Variants in MBOAT7 observed in about 807,000 individuals in gnomAD.
The protein encoded by MBOAT7 is membrane bound acylglycerophosphatidylinositol O-acyltransferase MBOAT7.
MBOAT7 carries 40 observed loss-of-function variants against 47.4 expected under a neutral mutation model. The ratio of observed to expected loss-of-function variants is 0.84; its 90% CI spans 0.66 to 1.10. The LOEUF (loss-of-function observed/expected upper bound fraction) is 1.10, where lower values mean the gene tolerates loss of function less well. MBOAT7 is among the 50% of genes least tolerant of loss of function. MBOAT7 has a pLI of 0.00. For synonymous variants in MBOAT7, 361 were observed against 292.0 expected (o/e 1.24, Z -2.41); for missense variants, 680 against 655.6 (o/e 1.04, Z -0.41).
chr19:54,174,071 A>T lies in MBOAT7; in HGVS notation c.1392T>A (p.Leu464=), dbSNP rs746122975. The change falls in exon 8 of 8, where the codon CTT becomes CTA. Residue 464 remains leucine (L), a synonymous_variant. Transcript: ENST00000245615. The stretch of plus-strand genomic sequence containing the variant: ...ACTCCTCCCGGAGCTTCTCCGGGGC[A>T]AGGCTGGTGGGCTGGGATGCTGCCT... The part of the protein sequence containing the change: ...RRKAASQPTS[L]APEKLREE 6.2e-7 allele frequency: 1 copy of T among 1,604,500 alleles called. No homozygotes were observed.
At position 54,187,254 on chromosome 19, in the gene MBOAT7, G is replaced by A. The variant is rs1351866976; in HGVS notation, c.240C>T (p.Phe80=). Reference sequence around the variant, plus strand: ...GGGCTCGGAAGAACAGGAGATAGGAGAAAGTCCAGGCCAGAGCCAGGGCGT... The same window carrying A: ...GGGCTCGGAAGAACAGGAGATAGGAAAAAGTCCAGGCCAGAGCCAGGGCGT... ...SCHALALAWT[F]SYLLFFRALS... The change falls in exon 4 of 8, where the codon TTC becomes TTT. Residue 80 remains phenylalanine, a synonymous_variant. Transcript: ENST00000245615. 1.2e-5 allele frequency: 19 copies of A among 1,610,540 alleles called. No individual in the cohort carries two copies. The highest frequency in any genetic ancestry group is 1.7e-5 in the Admixed American group (1 of 59,620).
intron 5 of MBOAT7, among the ~76,000 whole-genome samples, chr19:54,182,490 T>C (rs2076314406): frequency 8.5e-6 from 1 of 118,338 alleles, no homozygotes; most frequent in East Asian, 2.5e-4. Flanking sequence ...CAGGGAGTTG[T>C]ATGTTTTGTG....
chr19:54,175,270 A>G (rs565418188), intron 7 of MBOAT7, among the ~76,000 whole-genome samples: 35 of 152,034 alleles, frequency 2.3e-4, no homozygotes, highest in African/African-American at 7.2e-4. Flanking sequence ...CAGACACCAC[A>G]CCCGGGCAGC....
At chr19:54,188,728 G>A (rs1264135256) in intron 1 of MBOAT7, among the ~76,000 whole-genome samples, 1 of 151,910 alleles carries the variant, frequency 6.6e-6, no homozygotes, top group African/African-American at 2.4e-5. Context: ...CCTCCTTTGA[G>A]CGCACAGGCC....
chr19:54,175,881 T>C (rs960526605), intron 7 of MBOAT7, among the ~76,000 whole-genome samples: 2 of 152,188 alleles, frequency 1.3e-5, no homozygotes, highest in Admixed American at 6.5e-5. Context: ...CCCACCACCA[T>C]GCCAGGCTAA....
At chr19:54,183,037 G>A (rs1354951938) in intron 5 of MBOAT7, among the ~76,000 whole-genome samples, 1 of 152,044 alleles carries the variant, frequency 6.6e-6, no homozygotes, top group Non-Finnish European at 1.5e-5. Flanking sequence ...TAAAAATAAA[G>A]GTTTAAAATA....
In MBOAT7 at chr19:54,173,917, A is replaced by C; in HGVS notation, c.*127T>G. 2 of 1,201,640 alleles carry C rather than the reference A, an allele frequency of 1.7e-6. No individual in the cohort carries two copies. The highest frequency in any genetic ancestry group is 2.2e-6 in the Non-Finnish European group (2 of 889,694). 74.4% of individuals were successfully genotyped at this position (1,201,640 alleles called of 1,614,324 possible). ...GGTCTGCTTCAGTTGCAGGCAGGGTATTTAGCTGGGGAAGAGGAAATTCTC... is the reference window on the plus strand; with the variant it reads ...GGTCTGCTTCAGTTGCAGGCAGGGTCTTTAGCTGGGGAAGAGGAAATTCTC... On this transcript the variant is annotated 3_prime_UTR_variant, in exon 8 of 8. Transcript: ENST00000245615.
At position 54,180,909 on chromosome 19, in the gene MBOAT7, C is replaced by G. The variant is rs371452356; in HGVS notation, c.718G>C (p.Ala240Pro). 6.3e-7 allele frequency: 1 copy of G among 1,597,602 alleles called. No homozygotes were observed. Among genetic ancestry groups the G allele is most frequent in the Non-Finnish European group, 8.5e-7 (1 of 1,174,070 alleles). ...GCCACGTAGAAGCGCATGCGGAAGG[C>G]GAAGAAGACGGGGATCATGTAGAAG... ...RLFYMIPVFF[A>P]FRMRFYVAWI... The change falls in exon 6 of 8, where the codon GCC becomes CCC. Residue 240 changes from alanine to proline, a missense_variant. By Grantham distance (27) the Ala-to-Pro change is conservative. Coordinates refer to ENST00000245615, the MANE Select transcript of MBOAT7 (RefSeq NM_024298.5). The surrounding 1 kb of genome is among the most constrained non-coding windows in gnomAD (Gnocchi z 5.2).
rs978316048 is a variant in MBOAT7, at chr19:54,185,179, TG to T, written c.334-1500del. Among the ~76,000 whole-genome samples, 12 of 152,242 alleles carry T rather than the reference TG, an allele frequency of 7.9e-5. 1 individual carries two copies. The highest frequency in any genetic ancestry group is 5.2e-4 in the Admixed American group (8 of 15,258). On this transcript the variant is annotated intron_variant, in intron 4 of 7. Coordinates refer to ENST00000245615, the MANE Select transcript of MBOAT7 (RefSeq NM_024298.5). ...GAGATCACACCACTGCACTCCAGCCTGGGCAACAGAGCGAGACTCCATCTTT... is the reference window on the plus strand; with the variant it reads ...GAGATCACACCACTGCACTCCAGCCTGGCAACAGAGCGAGACTCCATCTTT...
chr19:54,184,161 CTTTTTTTTT>C (rs770373656), intron 4 of MBOAT7, among the ~76,000 whole-genome samples: 2 of 103,922 alleles, frequency 1.9e-5, no homozygotes, highest in Admixed American at 1.1e-4. Context: ...ATCTCTCTCT[CTTTTTTTTT>C]TTTTTTTTTT....
chr19:54,175,251 C>A (rs144674951), intron 7 of MBOAT7, among the ~76,000 whole-genome samples: 1 of 152,126 alleles, frequency 6.6e-6, no homozygotes, highest in African/African-American at 2.4e-5. Flanking sequence ...GTGCTGGGAT[C>A]ACAGGTGTCA....
chr19:54,182,976 C>T (rs2076329756), intron 5 of MBOAT7, among the ~76,000 whole-genome samples: 1 of 151,728 alleles, frequency 6.6e-6, no homozygotes, highest in South Asian at 2.1e-4. Flanking sequence ...GCTGGGATTA[C>T]AGGCGTGAGC....
At position 54,180,851 on chromosome 19, in the gene MBOAT7, G is replaced by C; in HGVS notation, c.776C>G (p.Ala259Gly). ...GGCCACGGGGTAGGCCCCAAAGCCG[G>C]CGGCAATGCAGCCGCACTCGGCGGC... The part of the protein sequence containing the change: ...WIAAECGCIA[A>G]GFGAYPVAAK... Residue 259 changes from alanine to glycine, a missense_variant, in exon 6 of 8, where the codon GCC becomes GGC. Coordinates refer to ENST00000245615, the MANE Select transcript of MBOAT7 (RefSeq NM_024298.5). This position sits in a 1 kb window ranked among gnomAD's most constrained non-coding sequence, Gnocchi z 5.2. The C allele has an allele frequency of 6.3e-7, 1 of 1,581,358 alleles. No homozygotes were observed. Among genetic ancestry groups the C allele is most frequent in the South Asian group, 1.1e-5 (1 of 86,978 alleles).
At chr19:54,178,174 T>C in intron 7 of MBOAT7, 2 of 951,922 alleles carry the variant, frequency 2.1e-6, no homozygotes, top group Non-Finnish European at 2.5e-6. Context: ...CCTCCCAAAG[T>C]GCTGGGATTC....
At chr19:54,177,489 GT>G (rs2076141616) in intron 7 of MBOAT7, among the ~76,000 whole-genome samples, 1 of 151,776 alleles carries the variant, frequency 6.6e-6, no homozygotes, top group African/African-American at 2.4e-5. Flanking sequence ...TAGAGACAGG[GT>G]TTCACCGTGT....
At chr19:54,179,930 G>C (rs2076217521) in intron 6 of MBOAT7, 1 of 152,234 alleles carries the variant, frequency 6.6e-6, no homozygotes, top group South Asian at 2.1e-4. Context: ...GTCTACTCCT[G>C]GTTGCCGGGG....
intron 7 of MBOAT7, 71 bp from the exon 8 acceptor site, chr19:54,174,502 G>A (rs1600619753): frequency 1.4e-6 from 2 of 1,417,456 alleles, no homozygotes; most frequent in Admixed American, 5.6e-5. Flanking sequence ...AGATCCAGGA[G>A]TCCAGGACCC....
chr19:54,175,222 C>T (rs1332222997), intron 7 of MBOAT7, among the ~76,000 whole-genome samples: 2 of 152,156 alleles, frequency 1.3e-5, no homozygotes, highest in Non-Finnish European at 2.9e-5. Flanking sequence ...TCGTGATCTG[C>T]CCGCCTTGGC....
chr19:54,181,077 C>A lies in MBOAT7; in HGVS notation c.550G>T (p.Ala184Ser), dbSNP rs1310662512. The A allele has an allele frequency of 2.0e-6, 3 of 1,526,930 alleles. No homozygotes were observed. Among genetic ancestry groups the A allele is most frequent in the Non-Finnish European group, 2.6e-6 (3 of 1,136,940 alleles). The allele number at this position is 1,526,930 out of a possible 1,614,324, so 94.6% of individuals were successfully genotyped here. The change falls in exon 6 of 8, where the codon GCA becomes TCA. Residue 184 changes from alanine to serine, a missense_variant. Ala to Ser is a moderately conservative substitution (Grantham distance 99). Coordinates refer to ENST00000245615, the MANE Select transcript of MBOAT7 (RefSeq NM_024298.5). ...LDWLEQPFPGAVPSLRPLLRR... is the reference protein window; with the variant it reads ...LDWLEQPFPGSVPSLRPLLRR... ...AGCAGGGGCCGCAGGCTGGGCACTG[C>A]CCCGGGGAAGGGCTGCTCCAGCCAG...
Sources: allele counts gnomAD v4.1 joint callset (sites outside exome capture counted in the v4.1 genomes callset), GRCh38; gene constraint gnomAD v4.1.1; non-coding constraint Gnocchi (gnomAD v3.1); transcripts MANE v1.5; gene names NCBI Gene and HGNC (gene_info 2026-07-23, HGNC 2026-07-21).